The following ERC2 variants were observed in gnomAD, a reference collection of about 807,000 sequenced individuals.
ERC2 encodes the protein ELKS/RAB6-interacting/CAST family member 2, also known as ERC protein 2.
Under a neutral mutation model 114.8 loss-of-function variants are expected in ERC2, and 42 were observed. That is an observed-to-expected ratio of 0.37 (90% CI 0.29 to 0.47). The LOEUF (loss-of-function observed/expected upper bound fraction) is 0.47. ERC2 is among the 20% of genes least tolerant of loss of function. The pLI is 0.99. For synonymous variants in ERC2, 454 were observed against 425.5 expected, an observed-to-expected ratio of 1.07 and a Z score of -0.82; for missense variants, 939 against 1,150.7, an observed-to-expected ratio of 0.82 and a Z score of 2.66.
rs141293220 is a variant in ERC2, at chr3:55,768,943, G to T, written c.2565-34025C>A. Among the ~76,000 whole-genome samples, 508 of 152,288 alleles carry T rather than the reference G, an allele frequency of 3.3e-3. 3 individuals are homozygous for T. Among genetic ancestry groups the T allele is most frequent in the African/African-American group, 0.012 (478 of 41,556 alleles). On this transcript the variant is annotated intron_variant, in intron 14 of 17. Transcript: ENST00000288221. ...TATCCCTGTGGCCACTGTGTGGATA[G>T]ATCTTAGGACGGGAGAAAAATCAGT... is the stretch of plus-strand genomic sequence containing the variant.
intron 17 of ERC2, among the ~76,000 whole-genome samples, chr3:55,680,948 G>A (rs2062028247): frequency 6.6e-6 from 1 of 152,172 alleles, no homozygotes; most frequent in Non-Finnish European, 1.5e-5. Context: ...AAAAACATTA[G>A]GAATTTCAAG....
chr3:56,164,333 T>C (rs7636352), intron 4 of ERC2, among the ~76,000 whole-genome samples: 124,090 of 151,958 alleles, frequency 0.82, 51,912 homozygotes, highest in South Asian at 0.93. Context: ...ATTTAATTAA[T>C]AGTATCATAT....
intron 2 of ERC2, among the ~76,000 whole-genome samples, chr3:56,339,859 C>T (rs2058016257): frequency 6.6e-6 from 1 of 152,138 alleles, no homozygotes; most frequent in South Asian, 2.1e-4. Context: ...TCCTGCTCTC[C>T]CACTACCAGG....
chr3:55,759,558 G>A (rs939179765), intron 14 of ERC2, among the ~76,000 whole-genome samples: 3 of 130,768 alleles, frequency 2.3e-5, no homozygotes, highest in Non-Finnish European at 3.2e-5. Context: ...ATTCAAGGAC[G>A]AAAGACTAAA....
intron 3 of ERC2, among the ~76,000 whole-genome samples, chr3:56,250,675 C>T (rs1274115857): frequency 6.6e-6 from 1 of 152,150 alleles, no homozygotes; most frequent in Non-Finnish European, 1.5e-5. Flanking sequence ...ATTTTAAAAG[C>T]TCCCTTTCCA....
intron 4 of ERC2, among the ~76,000 whole-genome samples, chr3:56,149,738 T>A (rs1318368051): frequency 6.6e-6 from 1 of 152,164 alleles, no homozygotes; most frequent in Admixed American, 6.5e-5. Context: ...CATCACAATG[T>A]CATAATTTAT....
chr3:55,972,462 G>A (rs2069239852), intron 12 of ERC2, among the ~76,000 whole-genome samples: 1 of 152,086 alleles, frequency 6.6e-6, no homozygotes, highest in Non-Finnish European at 1.5e-5. Flanking sequence ...GGTGTGTGAT[G>A]TTCTCCTCCC....
chr3:55,634,576 C>T (rs1445437312), intron 17 of ERC2, among the ~76,000 whole-genome samples: 1 of 152,164 alleles, frequency 6.6e-6, no homozygotes, highest in Non-Finnish European at 1.5e-5. Flanking sequence ...CTAATCAGTT[C>T]ATACGAGAAC....
At chr3:56,422,247 G>A (rs2061415122) in intron 2 of ERC2, among the ~76,000 whole-genome samples, 1 of 152,152 alleles carries the variant, frequency 6.6e-6, no homozygotes, top group Admixed American at 6.5e-5. Context: ...ATAACCCAAA[G>A]TAAAGAGCTG....
intron 7 of ERC2, among the ~76,000 whole-genome samples, chr3:56,040,613 T>TATATAGATGTATATGTATATATACAG (rs2075108737): frequency 1.1e-3 from 1 of 878 alleles, no homozygotes. Flanking sequence ...GTATATATAA[T>TATATAGATGTATATGTATATATACAG]ATATAGATGT....
chr3:56,165,117 G>A (rs1195044873), intron 4 of ERC2, among the ~76,000 whole-genome samples: 7 of 151,866 alleles, frequency 4.6e-5, no homozygotes, highest in Non-Finnish European at 8.8e-5. Flanking sequence ...AATATTACCT[G>A]TACTTCAGAA....
intron 16 of ERC2, among the ~76,000 whole-genome samples, chr3:55,689,193 C>T (rs886634433): frequency 6.6e-5 from 10 of 152,096 alleles, no homozygotes; most frequent in South Asian, 2.1e-4. Context: ...CCATCAAGAA[C>T]GTTATAGAAG....
At position 56,156,450 on chromosome 3, in the gene ERC2, G is replaced by A. The variant is rs529541478; in HGVS notation, c.1150-7318C>T. 2.6e-5 allele frequency among the ~76,000 whole-genome samples: 4 copies of A among 152,096 alleles called. No individual in the cohort carries two copies. In the South Asian group the frequency reaches 6.2e-4, roughly 24 times the overall value. ...GAACAGACTCAGATCCCCACAAGAC[G>A]GACACCTCCTGAAGCACTGGAACCA... On this transcript the variant is annotated intron_variant, in intron 4 of 17. Coordinates refer to ENST00000288221, the MANE Select transcript of ERC2 (RefSeq NM_015576.3).
intron 2 of ERC2, among the ~76,000 whole-genome samples, chr3:56,340,537 A>AAT (rs1437422621): frequency 1.3e-5 from 1 of 74,156 alleles, no homozygotes; most frequent in Non-Finnish European, 2.9e-5. Context: ...AGAGAGAGAG[A>AAT]GTGAATGTGT....
chr3:56,231,302 C>T (rs148169139), intron 3 of ERC2, among the ~76,000 whole-genome samples: 23 of 152,318 alleles, frequency 1.5e-4, no homozygotes, highest in African/African-American at 4.6e-4. Context: ...CTTTGAAGGC[C>T]AATCTCTTGC....
intron 15 of ERC2, among the ~76,000 whole-genome samples, chr3:55,705,779 C>T (rs1341398820): frequency 2.6e-5 from 4 of 152,182 alleles, no homozygotes; most frequent in South Asian, 2.1e-4. Flanking sequence ...CTCTCTCTCT[C>T]GGTCCCTATT....
intron 2 of ERC2, among the ~76,000 whole-genome samples, chr3:56,433,549 C>T (rs1290812966): frequency 2.0e-5 from 3 of 152,338 alleles, no homozygotes; most frequent in Middle Eastern, 3.4e-3. Flanking sequence ...CAAGATAAGG[C>T]TGGAAATGTT....
At chr3:55,568,866 C>G (rs1392878442) in intron 17 of ERC2, among the ~76,000 whole-genome samples, 2 of 152,310 alleles carry the variant, frequency 1.3e-5, no homozygotes, top group East Asian at 3.9e-4. Context: ...CCCTCTGACA[C>G]GTCCCTGACT....
chr3:55,660,307 G>C (rs2061069067), intron 17 of ERC2, among the ~76,000 whole-genome samples: 1 of 152,106 alleles, frequency 6.6e-6, no homozygotes, highest in Non-Finnish European at 1.5e-5. Flanking sequence ...TTATGTCCAA[G>C]TTATAAAAAT....
Sources: gnomAD v4.1 joint callset for allele counts (sites outside exome capture counted in the v4.1 genomes callset) on GRCh38, gnomAD v4.1.1 for gene constraint, MANE v1.5 for transcripts, NCBI Gene and HGNC (gene_info 2026-07-23, HGNC 2026-07-21) for gene names.